Variants in FSTL5 observed in about 807,000 individuals in gnomAD.
The protein encoded by FSTL5 is follistatin like 5.
In FSTL5, 62 loss-of-function variants were observed where a neutral mutation model predicts 89.1. The ratio of observed to expected loss-of-function variants is 0.70; its 90% CI spans 0.57 to 0.86. The LOEUF (loss-of-function observed/expected upper bound fraction) is 0.86, where lower values mean the gene tolerates loss of function less well. Ranked by LOEUF, FSTL5 falls within the 40% of genes least tolerant of loss-of-function variation. FSTL5 has a pLI of 0.00. For missense variants in FSTL5, 1,057 were observed against 1,001.6 expected (o/e 1.06, Z -0.75); for synonymous variants, 383 against 346.2 (o/e 1.11, Z -1.18).
chr4:162,033,732 T>C (rs1480736045), intron 2 of FSTL5, 74 bp from the exon 3 acceptor site: 3 of 766,224 alleles, frequency 3.9e-6, no homozygotes, highest in Non-Finnish European at 6.3e-6. Context: ...AAAGTTTCAC[T>C]ATAGAAGTAT....
intron 4 of FSTL5, among the ~76,000 whole-genome samples, chr4:161,821,480 T>C (rs779374405): frequency 6.6e-6 from 1 of 152,190 alleles, no homozygotes. Context: ...TTTTGTTACA[T>C]GAATAAGTTC....
At position 161,656,510 on chromosome 4, in the gene FSTL5, G is replaced by T. The variant is rs767840576; in HGVS notation, c.728-16C>A. 5 of 1,484,790 alleles carry T rather than the reference G, an allele frequency of 3.4e-6. No homozygotes were observed. Among genetic ancestry groups the T allele is most frequent in the Non-Finnish European group, 4.5e-6 (5 of 1,115,208 alleles). 92.0% of individuals were successfully genotyped at this position (1,484,790 alleles called of 1,614,324 possible). A position where few individuals can be genotyped will look rare whatever the true frequency, so the allele number is the denominator to read the frequency against. On this transcript the variant is annotated splice_polypyrimidine_tract_variant and intron_variant, in intron 6 of 15. Transcript: ENST00000306100. Reference sequence around the variant, plus strand: ...TGGATCACTTCTGTAAAGATGAAGTGTCAGTAATGTTGATGAGCATTTAGT... The same window carrying T: ...TGGATCACTTCTGTAAAGATGAAGTTTCAGTAATGTTGATGAGCATTTAGT...
intron 6 of FSTL5, among the ~76,000 whole-genome samples, chr4:161,689,759 A>G (rs1295628941): frequency 1.3e-5 from 2 of 152,136 alleles, no homozygotes; most frequent in Non-Finnish European, 2.9e-5. Flanking sequence ...AAAATTCTGT[A>G]TAACTTTAGA....
chr4:161,590,417 T>C (rs937806817), intron 7 of FSTL5, among the ~76,000 whole-genome samples: 2 of 152,128 alleles, frequency 1.3e-5, no homozygotes, highest in Non-Finnish European at 2.9e-5. Flanking sequence ...CACATGCCTG[T>C]AATCCCAGCT....
At chr4:162,058,423 CTTTT>C (rs764578152) in intron 2 of FSTL5, among the ~76,000 whole-genome samples, 41 of 112,064 alleles carry the variant, frequency 3.7e-4, no homozygotes, top group Admixed American at 5.2e-4. Context: ...ATAAATTCCT[CTTTT>C]TTTTTTTTTT....
intron 4 of FSTL5, among the ~76,000 whole-genome samples, chr4:161,829,427 C>G (rs1475143060): frequency 6.7e-6 from 1 of 149,928 alleles, no homozygotes; most frequent in Non-Finnish European, 1.5e-5. Flanking sequence ...AAATAAACCA[C>G]TGGAAAACCA....
At chr4:161,794,664 C>A (rs2126823531) in intron 4 of FSTL5, among the ~76,000 whole-genome samples, 1 of 152,160 alleles carries the variant, frequency 6.6e-6, no homozygotes, top group East Asian at 1.9e-4. Context: ...CACATTTTAT[C>A]TCTCTCTCTG....
rs1394472189 is a variant in FSTL5 at position 162,146,118 on chromosome 4, T to A, written c.-17+17497A>T. On this transcript the variant is annotated intron_variant, in intron 1 of 15. Transcript: ENST00000306100. ...TGCATGATAGTAAAGGAAATAATAGTGATTTTTGTGGAACCTAAAGCTTAA... is the reference window on the plus strand; with the variant it reads ...TGCATGATAGTAAAGGAAATAATAGAGATTTTTGTGGAACCTAAAGCTTAA... Among the ~76,000 whole-genome samples, 5 of 152,126 alleles carry A rather than the reference T, an allele frequency of 3.3e-5. No homozygotes were observed. In the East Asian group the frequency reaches 9.6e-4, roughly 29 times the overall value.
In FSTL5 at chr4:161,510,435, T is replaced by C. The variant is rs761075001; in HGVS notation, c.1313-11A>G. ...ATAATATGTTAGCTACTGCAGCATG[T>C]TGAAAGAAAAAGAAGAAAAAGAAAA... On this transcript the variant is annotated splice_polypyrimidine_tract_variant and intron_variant, in intron 10 of 15. Transcript: ENST00000306100. 1 of 1,513,530 alleles carries C rather than the reference T, an allele frequency of 6.6e-7. No individual in the cohort carries two copies. The highest frequency in any genetic ancestry group is 8.9e-7 in the Non-Finnish European group (1 of 1,125,502). The allele number at this position is 1,513,530 out of a possible 1,614,324, so 93.8% of individuals were successfully genotyped here. A position where few individuals can be genotyped will look rare whatever the true frequency, so the allele number is the denominator to read the frequency against.
Position 161,726,383 on chromosome 4 carries a change from C to T in FSTL5, c.727+33028G>A, listed in dbSNP as rs538724560. Among the ~76,000 whole-genome samples the T allele has an allele frequency of 5.7e-5, 7 of 123,438 alleles. No homozygotes were observed. In the South Asian group the frequency reaches 1.1e-3, roughly 19 times the overall value. The allele number at this position is 123,438 out of a possible 152,430, so 81.0% of individuals were successfully genotyped here. ...CTGGGACTACTGGAGCATGCCACCACGCCCGGCTAATTTTTGCATTTTTTA... is the reference window on the plus strand; with the variant it reads ...CTGGGACTACTGGAGCATGCCACCATGCCCGGCTAATTTTTGCATTTTTTA... On this transcript the variant is annotated intron_variant, in intron 6 of 15. Transcript: ENST00000306100.
intron 4 of FSTL5, among the ~76,000 whole-genome samples, chr4:161,918,667 C>T (rs1016432887): frequency 6.0e-5 from 9 of 150,950 alleles, no homozygotes; most frequent in African/African-American, 2.2e-4. Context: ...TTTTTTGAGA[C>T]GGGGTCTCGC....
At chr4:161,938,958 C>T (rs1578876984) in intron 3 of FSTL5, among the ~76,000 whole-genome samples, 1 of 151,720 alleles carries the variant, frequency 6.6e-6, no homozygotes, top group Non-Finnish European at 1.5e-5. Context: ...ATTTAAAAAT[C>T]ATATTTGTTG....
intron 7 of FSTL5, among the ~76,000 whole-genome samples, chr4:161,655,742 T>A (rs1021053968): frequency 3.9e-5 from 6 of 152,142 alleles, no homozygotes; most frequent in African/African-American, 1.4e-4. Flanking sequence ...TAACAACATA[T>A]ATTTTTAGAT....
At chr4:162,131,435 T>A (rs747170331) in intron 1 of FSTL5, among the ~76,000 whole-genome samples, 13 of 152,236 alleles carry the variant, frequency 8.5e-5, no homozygotes, top group Non-Finnish European at 1.6e-4. Flanking sequence ...GTGGACCTGT[T>A]GTCCACTTAG....
At chr4:161,959,016 G>A (rs1157366810) in intron 3 of FSTL5, among the ~76,000 whole-genome samples, 4 of 151,920 alleles carry the variant, frequency 2.6e-5, no homozygotes, top group African/African-American at 7.3e-5. Flanking sequence ...AAATTTCCCC[G>A]TCAATGACCT....
At chr4:161,618,735 A>C (rs542334829) in intron 7 of FSTL5, among the ~76,000 whole-genome samples, 3 of 152,212 alleles carry the variant, frequency 2.0e-5, no homozygotes, top group Admixed American at 2.0e-4. Context: ...CCAGTATTTT[A>C]TTGAGGATTT....
chr4:161,534,226 C>G (rs1731518031), intron 10 of FSTL5, among the ~76,000 whole-genome samples: 1 of 152,030 alleles, frequency 6.6e-6, no homozygotes, highest in Admixed American at 6.6e-5. Flanking sequence ...GAAGTCCTAC[C>G]CAGAGCAATC....
At chr4:161,389,501 TA>T (rs1352472902) in intron 15 of FSTL5, among the ~76,000 whole-genome samples, 1 of 152,170 alleles carries the variant, frequency 6.6e-6, no homozygotes, top group African/African-American at 2.4e-5. Context: ...CAACTTTAAT[TA>T]CTGCTTTTAT....
rs1191879903 is a variant in FSTL5, at chr4:161,562,327, C to T, written c.1016-19634G>A. Among the ~76,000 whole-genome samples the T allele has an allele frequency of 5.9e-5, 9 of 151,952 alleles. No individual in the cohort carries two copies. In the South Asian group the frequency reaches 1.2e-3, roughly 21 times the overall value. ...TGACAATTCCAGATCCTTTGAATTT[C>T]CTCATAAATTTTAGGATTAGCCTGT... On this transcript the variant is annotated intron_variant, in intron 8 of 15. Coordinates refer to ENST00000306100, the MANE Select transcript of FSTL5 (RefSeq NM_020116.5).
Sources: gnomAD v4.1 joint callset for allele counts (sites outside exome capture counted in the v4.1 genomes callset) on GRCh38, gnomAD v4.1.1 for gene constraint, MANE v1.5 for transcripts, NCBI Gene and HGNC (gene_info 2026-07-23, HGNC 2026-07-21) for gene names.